SBNO1: variants seen among roughly 807,000 people sequenced by gnomAD.
The protein encoded by SBNO1 is strawberry notch homolog 1, also known as protein strawberry notch homolog 1.
In SBNO1, 23 loss-of-function variants were observed where a neutral mutation model predicts 173.6. The observed-to-expected ratio is 0.13, with a 90% confidence interval of 0.10 to 0.19. The LOEUF is 0.19. SBNO1 is among the 10% of genes least tolerant of loss of function. The probability of loss-of-function intolerance (pLI) is 1.00; values close to 1 mark genes in which losing one functional copy is unlikely to be tolerated. For synonymous variants in SBNO1, 632 were observed against 571.5 expected (o/e 1.11, Z -1.51); for missense variants, 1,238 against 1,671.2 (o/e 0.74, Z 4.52).
chr12:123,328,620 A>G (rs1374023551), intron 10 of SBNO1, 114 bp downstream of exon 10: 5 of 846,436 alleles, frequency 5.9e-6, no homozygotes, highest in East Asian at 2.8e-5. Context: ...GGTAATCATT[A>G]AAGTTTTCAC....
intron 1 of SBNO1, among the ~76,000 whole-genome samples, chr12:123,358,800 T>C (rs1251134342): frequency 6.8e-6 from 1 of 146,342 alleles, no homozygotes; most frequent in Non-Finnish European, 1.5e-5. Context: ...CAAAGGGAGC[T>C]TGGAATAGAA....
chr12:123,304,385 T>C (rs1255504951), intron 29 of SBNO1, 197 bp downstream of exon 29: 1 of 417,832 alleles, frequency 2.4e-6, no homozygotes, highest in East Asian at 5.2e-5. Context: ...CAGGTATGCA[T>C]CACCATCCTG....
intron 14 of SBNO1, 34 bp from the exon 15 acceptor site, chr12:123,325,633 A>G (rs774031796): frequency 3.7e-6 from 5 of 1,355,744 alleles, no homozygotes; most frequent in Non-Finnish European, 5.2e-6. Context: ...AATTATGAAT[A>G]ATAATGTTTG....
intron 15 of SBNO1, among the ~76,000 whole-genome samples, chr12:123,325,214 G>A (rs1870484357): frequency 6.6e-6 from 1 of 152,180 alleles, no homozygotes; most frequent in South Asian, 2.1e-4. Context: ...TCTAAGCCAA[G>A]CTGTCACAGA....
chr12:123,359,419 G>A (rs1421928922), intron 1 of SBNO1, among the ~76,000 whole-genome samples: 1 of 151,706 alleles, frequency 6.6e-6, no homozygotes, highest in African/African-American at 2.4e-5. Context: ...AAAGGTAGCT[G>A]GGCGTGGTGG....
At chr12:123,347,416 C>T (rs879319718) in intron 3 of SBNO1, among the ~76,000 whole-genome samples, 28 of 151,406 alleles carry the variant, frequency 1.8e-4, no homozygotes, top group African/African-American at 5.6e-4. Context: ...TTAGTAGAGA[C>T]GGGGTTTCAC....
Position 123,295,719 on chromosome 12 carries a change from T to C in SBNO1, c.*189A>G, listed in dbSNP as rs749556440. The C allele has an allele frequency of 4.4e-5, 29 of 658,302 alleles. No individual in the cohort carries two copies. The highest frequency in any genetic ancestry group is 6.6e-5 in the Non-Finnish European group (25 of 377,974). 40.8% of individuals were successfully genotyped at this position (658,302 alleles called of 1,614,324 possible). On this transcript the variant is annotated 3_prime_UTR_variant, in exon 32 of 32. Transcript: ENST00000602398. ...GGAGAAGCTAAAGGAAAGACATATG[T>C]ACCACCATCAGCACTGCTGATTTTC...
In SBNO1 at chr12:123,298,170, G is replaced by A. The variant is rs1223604052; in HGVS notation, c.3847C>T (p.Arg1283Cys). ...AAGCTTGCTTTTTTGCAATTGCCGC[G>A]CCTAAGAAAAATGGGAAAGAAATAC... The part of the protein sequence containing the change: ...SADTCTHAYW[R>C]GNCKKASLGL... The change falls in exon 31 of 32, where the codon CGC (arginine) becomes TGC (cysteine). Residue 1283 changes from arginine to cysteine, a missense_variant and splice_region_variant. Around this residue, in one of 14 missense-constraint regions of SBNO1, gnomAD observed 351 missense variants for 420.3 expected, o/e 0.84. Coordinates refer to ENST00000602398, the MANE Select transcript of SBNO1 (RefSeq NM_001167856.3). 7 of 1,610,084 alleles carry A rather than the reference G, an allele frequency of 4.3e-6. 1 individual carries two copies. The South Asian group carries it at 6.7e-5, about 15-fold the overall frequency.
intron 1 of SBNO1, among the ~76,000 whole-genome samples, chr12:123,352,624 T>A (rs763604113): frequency 9.2e-5 from 14 of 152,256 alleles, no homozygotes; most frequent in Non-Finnish European, 1.9e-4. Flanking sequence ...AAGAACTGTT[T>A]CAGATGAAAG....
At chr12:123,311,720 C>CTATA (rs56718635) in intron 24 of SBNO1, among the ~76,000 whole-genome samples, 160 of 127,438 alleles carry the variant, frequency 1.3e-3, no homozygotes, top group South Asian at 5.9e-3. Context: ...ATCTATCTAT[C>CTATA]TATATATATA....
chr12:123,332,455 C>G (rs558674856), intron 7 of SBNO1, among the ~76,000 whole-genome samples: 23 of 152,176 alleles, frequency 1.5e-4, no homozygotes, highest in African/African-American at 5.1e-4. Flanking sequence ...CCACGCACAG[C>G]TAGTTTTTGT....
At chr12:123,301,218 G>A (rs1033820014) in intron 30 of SBNO1, among the ~76,000 whole-genome samples, 1 of 152,020 alleles carries the variant, frequency 6.6e-6, no homozygotes, top group African/African-American at 2.4e-5. Context: ...ATGTTGGCCA[G>A]GCTGGTCTTG....
intron 30 of SBNO1, among the ~76,000 whole-genome samples, chr12:123,299,749 T>C (rs1374382683): frequency 6.8e-6 from 1 of 146,994 alleles, no homozygotes; most frequent in African/African-American, 2.5e-5. Flanking sequence ...GCTACTCAGG[T>C]GGTTGAGGCA....
intron 15 of SBNO1, 82 bp downstream of exon 15, chr12:123,325,420 T>A: frequency 1.1e-6 from 1 of 942,952 alleles, no homozygotes; most frequent in Non-Finnish European, 1.7e-6. Context: ...AAAAGTTTTG[T>A]CTCCAGGAAA....
At chr12:123,309,187 A>G in intron 28 of SBNO1, 123 bp downstream of exon 28, 1 of 711,452 alleles carries the variant, frequency 1.4e-6, no homozygotes, top group South Asian at 1.8e-5. Flanking sequence ...TTACAATGAT[A>G]AATTACCAAA....
intron 1 of SBNO1, among the ~76,000 whole-genome samples, chr12:123,360,984 G>A (rs891157593): frequency 6.6e-6 from 1 of 152,004 alleles, no homozygotes; most frequent in South Asian, 2.1e-4. Flanking sequence ...AGTGGCTCAC[G>A]CCTATAATCC....
intron 7 of SBNO1, among the ~76,000 whole-genome samples, chr12:123,332,542 T>G (rs904931414): frequency 4.6e-5 from 7 of 151,010 alleles, no homozygotes; most frequent in Admixed American, 1.3e-4. Flanking sequence ...TCCGCCAGCT[T>G]CAGCCTCCCA....
At chr12:123,312,354 A>G (rs1868684684) in intron 24 of SBNO1, among the ~76,000 whole-genome samples, 1 of 152,174 alleles carries the variant, frequency 6.6e-6, no homozygotes, top group African/African-American at 2.4e-5. Context: ...CTGGTATGTC[A>G]ATATGAACTG....
intron 21 of SBNO1, 42 bp from the exon 22 acceptor site, chr12:123,315,702 C>T (rs1375209522): frequency 9.2e-7 from 1 of 1,086,138 alleles, no homozygotes; most frequent in Non-Finnish European, 1.4e-6. Context: ...ATTGTGTTCG[C>T]TGGACAGAGA....
Sources: allele counts gnomAD v4.1 joint callset (sites outside exome capture counted in the v4.1 genomes callset), GRCh38; gene constraint gnomAD v4.1.1; regional missense constraint gnomAD v4.1.1; transcripts MANE v1.5; gene names NCBI Gene and HGNC (gene_info 2026-07-23, HGNC 2026-07-21).